Variants in WDHD1 observed in about 807,000 individuals in gnomAD.
The protein encoded by WDHD1 is WD repeat and HMG-box DNA-binding protein 1.
Under a neutral mutation model 135.4 loss-of-function variants are expected in WDHD1, and 111 were observed. That is an observed-to-expected ratio of 0.82 (90% CI 0.70 to 0.96). The LOEUF is 0.96. Ranked by LOEUF, WDHD1 falls within the 40% of genes least tolerant of loss-of-function variation. The pLI, the probability that WDHD1 is intolerant of heterozygous loss-of-function variation, is 0.00. For missense variants in WDHD1, 1,351 were observed against 1,336.3 expected, an observed-to-expected ratio of 1.01 and a Z score of -0.17; for synonymous variants, 434 against 439.0, an observed-to-expected ratio of 0.99 and a Z score of 0.14.
chr14:55,015,919 G>C (rs2042255129), intron 2 of WDHD1, among the ~76,000 whole-genome samples: 1 of 152,016 alleles, frequency 6.6e-6, no homozygotes, highest in Non-Finnish European at 1.5e-5. Context: ...GGCTGGTCTT[G>C]AACTCCTGAC....
chr14:54,962,265 T>C (rs190426224), intron 21 of WDHD1, among the ~76,000 whole-genome samples: 5 of 152,316 alleles, frequency 3.3e-5, no homozygotes, highest in Admixed American at 2.6e-4. Context: ...ACATGTCTGT[T>C]TGACTTCTGT....
intron 21 of WDHD1, among the ~76,000 whole-genome samples, chr14:54,960,831 G>T (rs1434697535): frequency 6.8e-6 from 1 of 146,698 alleles, no homozygotes; most frequent in Non-Finnish European, 1.5e-5. Flanking sequence ...ACAGGGTCTT[G>T]CTCTGTCACC....
In WDHD1 at chr14:54,954,815, C is replaced by T. The variant is rs138340558; in HGVS notation, c.3050+746G>A. On this transcript the variant is annotated intron_variant, in intron 24 of 25. Coordinates refer to ENST00000360586, the MANE Select transcript of WDHD1 (RefSeq NM_007086.4). ...TGTGATCTCAGATGACTGCAATCTC[C>T]GCGTCCCGGGTTCAAGTGATTCTCC... is the stretch of plus-strand genomic sequence containing the variant. Among the ~76,000 whole-genome samples the T allele has an allele frequency of 1.3e-3, 192 of 152,144 alleles. 1 individual carries two copies. Among genetic ancestry groups the T allele is most frequent in the Middle Eastern group, 3.4e-3 (1 of 294 alleles).
intron 21 of WDHD1, among the ~76,000 whole-genome samples, chr14:54,959,986 T>C (rs1039789487): frequency 1.3e-5 from 2 of 152,332 alleles, no homozygotes; most frequent in African/African-American, 4.8e-5. Context: ...AAGATTCAAA[T>C]GTGCTTAAGT....
At chr14:54,990,873 T>C (rs1202006389) in intron 12 of WDHD1, among the ~76,000 whole-genome samples, 1 of 152,178 alleles carries the variant, frequency 6.6e-6, no homozygotes, top group Non-Finnish European at 1.5e-5. Context: ...CTTACTAGTG[T>C]TTTGGAGTCA....
intron 16 of WDHD1, among the ~76,000 whole-genome samples, chr14:54,979,258 C>T (rs72715566): frequency 0.035 from 5,376 of 152,050 alleles, 142 homozygotes; most frequent in Non-Finnish European, 0.058. Context: ...CTCAAGTGAT[C>T]CTCCCCTCTT....
intron 23 of WDHD1, 74 bp downstream of exon 23, chr14:54,956,960 T>C: frequency 6.5e-7 from 1 of 1,530,978 alleles, no homozygotes; most frequent in East Asian, 2.3e-5. Flanking sequence ...ATCCTATATC[T>C]GAAACAGTGA....
chr14:54,981,303 G>C (rs757132056), intron 16 of WDHD1, among the ~76,000 whole-genome samples: 6 of 152,104 alleles, frequency 3.9e-5, no homozygotes, highest in Non-Finnish European at 8.8e-5. Context: ...TCCTCTCCCT[G>C]TGTGGCTGAA....
At position 54,961,166 on chromosome 14, in the gene WDHD1, T is replaced by A. The variant is rs900549252; in HGVS notation, c.2701+1332A>T. Among the ~76,000 whole-genome samples, 4 of 151,968 alleles carry A rather than the reference T, an allele frequency of 2.6e-5. 1 individual carries two copies. The highest frequency in any genetic ancestry group is 2.0e-4 in the Admixed American group (3 of 15,242). On this transcript the variant is annotated intron_variant, in intron 21 of 25. Coordinates refer to ENST00000360586, the MANE Select transcript of WDHD1 (RefSeq NM_007086.4). ...CCATGCTATACCTCTGCTTAAAACC[T>A]ACAACAGTCTCTCAGTGACCTTAGA...
chr14:54,970,621 C>CAA (rs202021020), intron 16 of WDHD1, among the ~76,000 whole-genome samples: 2,641 of 130,624 alleles, frequency 0.02, 97 homozygotes, highest in African/African-American at 0.07. Flanking sequence ...GTCACAGCAC[C>CAA]AAAAAAAAAA....
chr14:54,963,623 C>T (rs573324816), intron 18 of WDHD1, among the ~76,000 whole-genome samples: 1 of 152,028 alleles, frequency 6.6e-6, no homozygotes, highest in Non-Finnish European at 1.5e-5. Context: ...GCCAATATGG[C>T]AAAACCCCGT....
chr14:55,021,464 C>T (rs945637199), intron 2 of WDHD1, among the ~76,000 whole-genome samples: 5 of 151,240 alleles, frequency 3.3e-5, no homozygotes, highest in African/African-American at 7.3e-5. Context: ...GAATGTGCAG[C>T]GGCACAATCT....
At chr14:54,950,502 G>A (rs1226700152) in intron 24 of WDHD1, among the ~76,000 whole-genome samples, 2 of 152,008 alleles carry the variant, frequency 1.3e-5, no homozygotes, top group Non-Finnish European at 2.9e-5. Flanking sequence ...CATAAACCAA[G>A]TCCTTAGAGA....
chr14:54,991,209 T>TGGTAGCAG lies in WDHD1; in HGVS notation c.1341+3_1341+4insCTGCTACC. Reference sequence around the variant, plus strand: ...AAGAAGTTAAGTGTAGATCCAAGTCTTACCATGAATCTGTGAGTGAGATGC... The same window carrying TGGTAGCAG: ...AAGAAGTTAAGTGTAGATCCAAGTCTGGTAGCAGTACCATGAATCTGTGAGTGAGATGC... On this transcript the variant is annotated splice_donor_region_variant and intron_variant, in intron 12 of 25. Transcript: ENST00000360586. The TGGTAGCAG allele has an allele frequency of 1.4e-6, 2 of 1,450,292 alleles. No homozygotes were observed. The highest frequency in any genetic ancestry group is 1.3e-5 in the South Asian group (1 of 75,028). 89.8% of individuals were successfully genotyped at this position (1,450,292 alleles called of 1,614,324 possible). A position where few individuals can be genotyped will look rare whatever the true frequency, so the allele number is the denominator to read the frequency against.
intron 7 of WDHD1, among the ~76,000 whole-genome samples, chr14:55,002,490 C>T (rs148485759): frequency 0.013 from 1,941 of 151,692 alleles, 25 homozygotes; most frequent in Middle Eastern, 0.037. Context: ...CTTAAAACTT[C>T]AATAAGCAAA....
In WDHD1 at chr14:54,987,402, A is replaced by AAT. The variant is rs1437689147; in HGVS notation, c.1527-16_1527-15insAT. 15 of 1,561,216 alleles carry AAT rather than the reference A, an allele frequency of 9.6e-6. No homozygotes were observed. In the South Asian group the frequency reaches 1.7e-4, roughly 17 times the overall value. ...AGTGAAGCTTGCTAAAAATTAAAAC[A>AAT]AGACAGAAACAATCAAACTTTCATA... On this transcript the variant is annotated splice_polypyrimidine_tract_variant and intron_variant, in intron 13 of 25. Coordinates refer to ENST00000360586, the MANE Select transcript of WDHD1 (RefSeq NM_007086.4).
chr14:54,993,710 T>C (rs2041829564), intron 11 of WDHD1, among the ~76,000 whole-genome samples: 1 of 152,008 alleles, frequency 6.6e-6, no homozygotes, highest in Non-Finnish European at 1.5e-5. Flanking sequence ...TCCTCTATGA[T>C]AGACATTACA....
chr14:54,961,458 AC>A (rs1485034897), intron 21 of WDHD1, among the ~76,000 whole-genome samples: 1 of 151,830 alleles, frequency 6.6e-6, no homozygotes, highest in Admixed American at 6.6e-5. Context: ...TTTTCACACC[AC>A]CCTTTTGCAG....
chr14:54,994,534 A>G (rs1221898232), intron 11 of WDHD1, among the ~76,000 whole-genome samples: 1 of 152,214 alleles, frequency 6.6e-6, no homozygotes, highest in Non-Finnish European at 1.5e-5. Context: ...CAAGATTTTT[A>G]CATTCTTTTT....
Sources: gnomAD v4.1 joint callset for allele counts (sites outside exome capture counted in the v4.1 genomes callset) on GRCh38, gnomAD v4.1.1 for gene constraint, MANE v1.5 for transcripts, NCBI Gene and HGNC (gene_info 2026-07-23, HGNC 2026-07-21) for gene names.